The following LYST variants were observed in gnomAD, a reference collection of about 807,000 sequenced individuals.
LYST encodes the protein lysosomal-trafficking regulator.
LYST carries 192 observed loss-of-function variants against 413.6 expected under a neutral mutation model. The ratio of observed to expected loss-of-function variants is 0.46; its 90% CI spans 0.41 to 0.52. The LOEUF (loss-of-function observed/expected upper bound fraction) is 0.52. Among genes scored for constraint, LYST ranks in the 20% least tolerant of loss-of-function variants. The pLI is 0.00. For missense variants in LYST, 3,815 were observed against 4,499.9 expected, an observed-to-expected ratio of 0.85 and a Z score of 4.35; for synonymous variants, 1,525 against 1,567.3, an observed-to-expected ratio of 0.97 and a Z score of 0.64.
rs80032082 is a variant in LYST, at chr1:235,701,213, A to T, written c.10374+1534T>A. Among the ~76,000 whole-genome samples, 340 of 152,346 alleles carry T rather than the reference A, an allele frequency of 2.2e-3. 2 individuals are homozygous for T. The highest frequency in any genetic ancestry group is 7.6e-3 in the African/African-American group (318 of 41,584). ...TGAAGCAGGCTGGTACCATGTTCCC[A>T]CTGCGAGCAGACATACTGCTCAGAT... On this transcript the variant is annotated intron_variant, in intron 45 of 52. Transcript: ENST00000389793.
upstream of LYST, among the ~76,000 whole-genome samples, chr1:235,869,891 A>C (rs1001039184): frequency 6.6e-6 from 1 of 152,122 alleles, no homozygotes; most frequent in African/African-American, 2.4e-5. Flanking sequence ...TGCCAGATAC[A>C]GTCCTGCTTT....
chr1:235,802,783 T>C lies in LYST; in HGVS notation c.3712+125A>G, dbSNP rs1008895419. ...ACTGTTGGGAAGATCAATAAAAAGA[T>C]TATGCAACACACTTGTTAAACTGTA... On this transcript the variant is annotated intron_variant, in intron 8 of 52. Transcript: ENST00000389793. The C allele has an allele frequency of 9.5e-6, 8 of 838,080 alleles. No individual in the cohort carries two copies. In the Admixed American group the frequency reaches 1.7e-4, roughly 17 times the overall value. The allele number at this position is 838,080 out of a possible 1,614,324, so 51.9% of individuals were successfully genotyped here.
chr1:235,807,775 A>C (rs181624063), intron 5 of LYST, among the ~76,000 whole-genome samples: 1 of 152,154 alleles, frequency 6.6e-6, no homozygotes, highest in Non-Finnish European at 1.5e-5. Context: ...TAATTTTAAT[A>C]TTCTTATTTT....
intron 14 of LYST, among the ~76,000 whole-genome samples, chr1:235,784,364 A>G (rs971916154): frequency 4.6e-5 from 7 of 152,204 alleles, no homozygotes; most frequent in African/African-American, 1.7e-4. Flanking sequence ...ACAGAGTGAT[A>G]TGTGAATCAA....
rs1558188263 is a variant in LYST at position 235,751,252 on chromosome 1, CAGA to C, written c.7735_7737del (p.Ser2579del). The C allele has an allele frequency of 6.2e-7, 1 of 1,613,730 alleles. No homozygotes were observed. The highest frequency in any genetic ancestry group is 8.5e-7 in the Non-Finnish European group (1 of 1,179,750). On this transcript the variant is annotated inframe_deletion, in exon 28 of 53. Coordinates refer to ENST00000389793, the MANE Select transcript of LYST (RefSeq NM_000081.4). ...TTTTGAACTACTGCATGATGGGGAG[CAGA>C]AGGTGACTGGAGTGAATCTGTGAGG...
At chr1:235,744,827 G>C (rs1378714287) in intron 29 of LYST, among the ~76,000 whole-genome samples, 1 of 150,990 alleles carries the variant, frequency 6.6e-6, no homozygotes, top group East Asian at 1.9e-4. Context: ...TTGAGCCCAG[G>C]AGGTAAAGGT....
chr1:235,737,918 TC>T, intron 31 of LYST: 9 of 1,164,676 alleles, frequency 7.7e-6, no homozygotes, highest in Admixed American at 8.8e-5. Flanking sequence ...TGCCGACGAG[TC>T]TGGATCTCAC....
Position 235,805,956 on chromosome 1 carries a change from G to C in LYST, c.3180C>G (p.Asp1060Glu). ...SELGSLKKSA[D>E]SLGKLELQHI... ...GCTGTAACTCTAATTTACCTAAACT[G>C]TCAGCACTCTTTTTTAGACTACCTA... is the stretch of plus-strand genomic sequence containing the variant. Residue 1060 changes from aspartate (D) to glutamate (E), a missense_variant, in exon 6 of 53, where the codon GAC (aspartate) becomes GAG (glutamate). By Grantham distance (45) the Asp-to-Glu change is conservative. Transcript: ENST00000389793. 6.2e-7 allele frequency: 1 copy of C among 1,613,512 alleles called. No homozygotes were observed. The highest frequency in any genetic ancestry group is 8.5e-7 in the Non-Finnish European group (1 of 1,179,550).
intron 48 of LYST, among the ~76,000 whole-genome samples, chr1:235,682,426 T>C (rs569205934): frequency 6.7e-4 from 102 of 152,160 alleles, no homozygotes; most frequent in African/African-American, 2.4e-3. Flanking sequence ...CAGAGAAGCA[T>C]GTGGCGGACA....
chr1:235,705,939 G>C (rs1429615793), intron 44 of LYST, among the ~76,000 whole-genome samples: 2 of 151,940 alleles, frequency 1.3e-5, no homozygotes, highest in African/African-American at 2.4e-5. Flanking sequence ...TTACAAGCAA[G>C]AGCCACTACC....
Position 235,777,232 on chromosome 1 carries a change from C to G in LYST, c.5291G>C (p.Gly1764Ala), listed in dbSNP as rs35413645. Reference sequence around the variant, plus strand: ...TTGAGAGAGTTGGGTTTTCATTTGACCTTTAAGTCTAATCACTGGTTCATA... The same window carrying G: ...TTGAGAGAGTTGGGTTTTCATTTGAGCTTTAAGTCTAATCACTGGTTCATA... The part of the protein sequence containing the change: ...TIYEPVIRLK[G>A]QMKTQLSQRP... The change falls in exon 17 of 53, where the codon GGT becomes GCT. Residue 1764 changes from glycine to alanine, a missense_variant. By Grantham distance (60) the Gly-to-Ala change is moderately conservative (BLOSUM62 0). This residue lies in a region of LYST where 530 missense variants were observed against 696.5 expected (regional missense o/e 0.76). Coordinates refer to ENST00000389793, the MANE Select transcript of LYST (RefSeq NM_000081.4). 6.9e-4 allele frequency: 1,115 copies of G among 1,613,520 alleles called. 7 individuals carry two copies. In the African/African-American group the frequency reaches 0.013, roughly 18 times the overall value.
At chr1:235,866,598 C>T (rs3738520) in intron 1 of LYST, among the ~76,000 whole-genome samples, 67,423 of 151,960 alleles carry the variant, frequency 0.44, 16,142 homozygotes, top group African/African-American at 0.6. Flanking sequence ...CGCCCGCGGC[C>T]CGGCGGCTGT....
chr1:235,832,509 C>G (rs1459328816), intron 2 of LYST, among the ~76,000 whole-genome samples: 1 of 151,976 alleles, frequency 6.6e-6, no homozygotes, highest in East Asian at 1.9e-4. Context: ...AAAATATATA[C>G]ATGTTTATAT....
chr1:235,664,435 T>C lies in LYST; in HGVS notation c.11195+30A>G. 6.2e-7 allele frequency: 1 copy of C among 1,606,350 alleles called. No individual in the cohort carries two copies. ...AACTCCTGTGTCCTTATGAATGAAA[T>C]CAAAAAAAGAGAATCCAAATTCCTC... On this transcript the variant is annotated intron_variant, in intron 51 of 52. Transcript: ENST00000389793. This position sits in a 1 kb window ranked among gnomAD's most constrained non-coding sequence, Gnocchi z 4.5.
intron 44 of LYST, among the ~76,000 whole-genome samples, chr1:235,705,475 T>A (rs940532858): frequency 6.6e-6 from 1 of 151,912 alleles, no homozygotes; most frequent in South Asian, 2.1e-4. Context: ...AGACTTGAAC[T>A]CCTGGGTTCA....
rs1241055022 is a variant in LYST, at chr1:235,766,253, G to A, written c.5947C>T (p.Pro1983Ser). ...GATCTACAAACCTCTCGGGGCATGG[G>A]TGTGAGTTGCCCCTCTTTGTATTCC... The part of the protein sequence containing the change: ...LQEYKEGQLT[P>S]MPREVCRSFV... The change falls in exon 21 of 53, where the codon CCC (proline) becomes TCC (serine). Residue 1983 changes from proline to serine, a missense_variant. Physicochemically the swap from Pro to Ser is moderately conservative, Grantham distance 74 (BLOSUM62 -1). Coordinates refer to ENST00000389793, the MANE Select transcript of LYST (RefSeq NM_000081.4). The A allele has an allele frequency of 6.2e-7, 1 of 1,611,232 alleles. No individual in the cohort carries two copies. Among genetic ancestry groups the A allele is most frequent in the Non-Finnish European group, 8.5e-7 (1 of 1,178,766 alleles).
chr1:235,776,829 T>G (rs1558228711), intron 17 of LYST, among the ~76,000 whole-genome samples: 1 of 152,148 alleles, frequency 6.6e-6, no homozygotes, highest in Admixed American at 6.5e-5. Flanking sequence ...AACATTTAAT[T>G]GTACTAATTA....
At chr1:235,869,238 C>A (rs184505764), upstream of LYST, among the ~76,000 whole-genome samples, 156 of 152,108 alleles carry the variant, frequency 1.0e-3, no homozygotes, top group African/African-American at 3.6e-3. Context: ...TTTGGGAGGC[C>A]GAGGCGGGCA....
In LYST at chr1:235,753,153, G is replaced by C; in HGVS notation, c.7351C>G (p.Leu2451Val). Residue 2451 changes from leucine to valine, a missense_variant, in exon 26 of 53, where the codon CTT becomes GTT. This residue lies in a region of LYST where 771 missense variants were observed against 837.1 expected (regional missense o/e 0.92). Transcript: ENST00000389793. The stretch of plus-strand genomic sequence containing the variant: ...GAACAAGAATTTAAAATTTGGAGAA[G>C]AAGTAAAAGAGCATTATGCAAGAGT... Reference protein sequence around the residue: ...NILLHNALLLLLQILNSCSKV... With the variant: ...NILLHNALLLVLQILNSCSKV... 1.9e-6 allele frequency: 3 copies of C among 1,606,250 alleles called. No individual in the cohort carries two copies. The highest frequency in any genetic ancestry group is 2.6e-6 in the Non-Finnish European group (3 of 1,173,122).
Sources: gnomAD v4.1 joint callset for allele counts (sites outside exome capture counted in the v4.1 genomes callset) on GRCh38, gnomAD v4.1.1 for gene constraint, gnomAD v4.1.1 regional missense constraint, Gnocchi (gnomAD v3.1) non-coding constraint, MANE v1.5 for transcripts, NCBI Gene and HGNC (gene_info 2026-07-23, HGNC 2026-07-21) for gene names.